The following ROBO1 variants were observed in gnomAD, a reference collection of about 807,000 sequenced individuals.
ROBO1 encodes the protein roundabout homolog 1.
In ROBO1, 149 loss-of-function variants were observed where a neutral mutation model predicts 195.9. That is an observed-to-expected ratio of 0.76 (90% confidence interval 0.67 to 0.87). ROBO1 has a LOEUF of 0.87. ROBO1 is among the 40% of genes least tolerant of loss of function. The pLI, the probability that ROBO1 is intolerant of heterozygous loss-of-function variation, is 0.00. For missense variants in ROBO1, 1,933 were observed against 2,068.3 expected (o/e 0.93, Z 1.27); for synonymous variants, 816 against 733.2 (o/e 1.11, Z -1.82).
chr3:79,052,275 T>C (rs190718561), intron 3 of ROBO1, among the ~76,000 whole-genome samples: 1 of 152,074 alleles, frequency 6.6e-6, no homozygotes, highest in Non-Finnish European at 1.5e-5. Flanking sequence ...TACGCCCTCG[T>C]CTCCTGCAGC....
chr3:79,656,646 G>C (rs1031716730), intron 1 of ROBO1, among the ~76,000 whole-genome samples: 3 of 151,914 alleles, frequency 2.0e-5, no homozygotes, highest in African/African-American at 7.3e-5. Context: ...TATAATCCCA[G>C]CACTTTGGGA....
chr3:79,583,998 T>C (rs566592827), intron 2 of ROBO1, among the ~76,000 whole-genome samples: 1 of 151,980 alleles, frequency 6.6e-6, no homozygotes, highest in Non-Finnish European at 1.5e-5. Context: ...AAAAAGTAAT[T>C]GAAAAGATAA....
intron 2 of ROBO1, among the ~76,000 whole-genome samples, chr3:79,355,034 C>T (rs542744662): frequency 1.3e-5 from 2 of 152,048 alleles, no homozygotes; most frequent in South Asian, 2.1e-4. Flanking sequence ...GGCATGGTGG[C>T]GGGCGCCTGT....
At chr3:79,422,164 A>C (rs1385967988) in intron 2 of ROBO1, among the ~76,000 whole-genome samples, 3 of 148,300 alleles carry the variant, frequency 2.0e-5, no homozygotes, top group Non-Finnish European at 4.5e-5. Context: ...TATACAATAC[A>C]TATCTTATGT....
At chr3:79,060,448 G>C (rs1031491399) in intron 3 of ROBO1, among the ~76,000 whole-genome samples, 1 of 152,004 alleles carries the variant, frequency 6.6e-6, no homozygotes, top group Middle Eastern at 3.4e-3. Flanking sequence ...GGGCATCATG[G>C]AACCTGCCAA....
intron 3 of ROBO1, among the ~76,000 whole-genome samples, chr3:78,994,163 C>A (rs960097861): frequency 6.6e-6 from 1 of 152,146 alleles, no homozygotes; most frequent in East Asian, 1.9e-4. Flanking sequence ...TAAAAGGAAG[C>A]TTTCGCCTTT....
chr3:79,328,033 T>C (rs1372460294), intron 2 of ROBO1, among the ~76,000 whole-genome samples: 1 of 152,196 alleles, frequency 6.6e-6, no homozygotes, highest in African/African-American at 2.4e-5. Context: ...ATTAACCAAG[T>C]ATATTTTCTC....
At chr3:78,652,514 T>A (rs1706734243) in intron 18 of ROBO1, among the ~76,000 whole-genome samples, 1 of 152,142 alleles carries the variant, frequency 6.6e-6, no homozygotes, top group Non-Finnish European at 1.5e-5. Context: ...AGACATTTCA[T>A]TGTCTTAGAA....
chr3:79,517,225 A>G (rs1349265302), intron 2 of ROBO1, among the ~76,000 whole-genome samples: 1 of 152,096 alleles, frequency 6.6e-6, no homozygotes, highest in Non-Finnish European at 1.5e-5. Context: ...GTTCATTTCA[A>G]TTTGACTAGT....
intron 3 of ROBO1, among the ~76,000 whole-genome samples, chr3:79,053,768 A>G (rs1445098476): frequency 6.6e-6 from 1 of 151,976 alleles, no homozygotes; most frequent in Non-Finnish European, 1.5e-5. Context: ...TGCCAACTCC[A>G]TCTCAGATAC....
intron 3 of ROBO1, among the ~76,000 whole-genome samples, chr3:78,949,770 A>C (rs2040670009): frequency 1.3e-5 from 2 of 152,142 alleles, no homozygotes; most frequent in African/African-American, 4.8e-5. Flanking sequence ...CATCTGACAA[A>C]GGGCTAATAT....
At chr3:78,928,453 GAAAAGA>G (rs1176401820) in intron 4 of ROBO1, among the ~76,000 whole-genome samples, 1 of 150,816 alleles carries the variant, frequency 6.6e-6, no homozygotes, top group African/African-American at 2.5e-5. Flanking sequence ...AAGAAAAGAA[GAAAAGA>G]AAAAGAAAAA....
chr3:78,647,173 C>T (rs781518842), intron 20 of ROBO1, among the ~76,000 whole-genome samples: 14 of 151,924 alleles, frequency 9.2e-5, no homozygotes, highest in Non-Finnish European at 1.8e-4. Context: ...TTAGGGAAAA[C>T]GAAAAGTTCT....
intron 2 of ROBO1, among the ~76,000 whole-genome samples, chr3:79,347,974 G>A (rs550313131): frequency 2.0e-5 from 3 of 152,066 alleles, no homozygotes; most frequent in Non-Finnish European, 4.4e-5. Flanking sequence ...CACCTTAAGA[G>A]GCCAAGGTGG....
At chr3:79,432,208 A>C (rs2038707116) in intron 2 of ROBO1, among the ~76,000 whole-genome samples, 1 of 152,132 alleles carries the variant, frequency 6.6e-6, no homozygotes, top group Non-Finnish European at 1.5e-5. Flanking sequence ...CAAAACAGGC[A>C]TCTCTTAGAG....
At chr3:79,014,017 T>C (rs1282580087) in intron 3 of ROBO1, among the ~76,000 whole-genome samples, 1 of 152,190 alleles carries the variant, frequency 6.6e-6, no homozygotes, top group Non-Finnish European at 1.5e-5. Context: ...TTCTAAAGTC[T>C]TATCATATGT....
intron 3 of ROBO1, among the ~76,000 whole-genome samples, chr3:79,037,479 G>T (rs1248260054): frequency 6.6e-6 from 1 of 152,072 alleles, no homozygotes; most frequent in Non-Finnish European, 1.5e-5. Context: ...ATCAATATTA[G>T]AAAGAGATTC....
intron 4 of ROBO1, among the ~76,000 whole-genome samples, chr3:78,813,756 G>A (rs1313820050): frequency 1.3e-5 from 2 of 151,982 alleles, no homozygotes; most frequent in Non-Finnish European, 2.9e-5. Context: ...TAAGTCTAGT[G>A]ACATTCATTT....
At chr3:78,686,106 T>C (rs1472761080) in intron 9 of ROBO1, among the ~76,000 whole-genome samples, 189 bp from the exon 10 acceptor site, 1 of 152,136 alleles carries the variant, frequency 6.6e-6, no homozygotes, top group Non-Finnish European at 1.5e-5. Context: ...CCCACATATA[T>C]ACATGTCCAT....
Sources: allele counts gnomAD v4.1 joint callset (sites outside exome capture counted in the v4.1 genomes callset), GRCh38; gene constraint gnomAD v4.1.1; transcripts MANE v1.5; gene names NCBI Gene and HGNC (gene_info 2026-07-23, HGNC 2026-07-21).